Variants in LYPD6B observed in about 807,000 individuals in gnomAD.
LYPD6B encodes LY6/PLAUR domain containing 6B.
A neutral mutation model predicts 22.8 loss-of-function variants in LYPD6B; 17 were observed. The ratio of observed to expected loss-of-function variants is 0.75; its 90% CI spans 0.51 to 1.12. The LOEUF (loss-of-function observed/expected upper bound fraction) is 1.12. Ranked by LOEUF, LYPD6B falls within the 50% of genes most tolerant of loss-of-function variation. The probability of loss-of-function intolerance (pLI) is 0.00; values close to 1 mark genes in which losing one functional copy is unlikely to be tolerated. For synonymous variants in LYPD6B, 106 were observed against 91.6 expected (o/e 1.16, Z -0.90); for missense variants, 221 against 258.3 (o/e 0.86, Z 0.99).
chr2:149,072,482 T>TTTTTATTTTATTTTA (rs59980462), intron 1 of LYPD6B, among the ~76,000 whole-genome samples: 15,985 of 129,594 alleles, frequency 0.12, 1,295 homozygotes, highest in South Asian at 0.15. Context: ...AGGGTGGTTA[T>TTTTTATTTTATTTTA]TTTTATTTTA....
chr2:149,177,835 GTTTTTT>G (rs35470511), intron 3 of LYPD6B, among the ~76,000 whole-genome samples: 4 of 131,860 alleles, frequency 3.0e-5, no homozygotes, highest in Admixed American at 7.7e-5. Flanking sequence ...TTCTGCAAGA[GTTTTTT>G]TTTTTTTTTT....
chr2:149,081,899 C>T (rs773936936), intron 1 of LYPD6B, among the ~76,000 whole-genome samples: 5 of 152,056 alleles, frequency 3.3e-5, no homozygotes, highest in African/African-American at 4.8e-5. Flanking sequence ...ATGTTGTTGC[C>T]TATAGTGAGA....
At chr2:149,106,572 A>G (rs1024373901) in intron 1 of LYPD6B, among the ~76,000 whole-genome samples, 3 of 152,140 alleles carry the variant, frequency 2.0e-5, no homozygotes, top group Admixed American at 6.6e-5. Flanking sequence ...AAAGTTGTTT[A>G]TAATATTCCC....
At chr2:149,067,167 T>G (rs2105342435) in intron 1 of LYPD6B, among the ~76,000 whole-genome samples, 1 of 152,294 alleles carries the variant, frequency 6.6e-6, no homozygotes, top group African/African-American at 2.4e-5. Context: ...TGCCTACTAT[T>G]CCTATCACCT....
intron 1 of LYPD6B, among the ~76,000 whole-genome samples, chr2:149,124,905 A>G (rs777823332): frequency 2.6e-5 from 4 of 152,184 alleles, no homozygotes; most frequent in African/African-American, 7.2e-5. Flanking sequence ...AATGGCCACA[A>G]GAAGCTTCTG....
At chr2:149,126,527 G>A (rs536833541) in intron 1 of LYPD6B, among the ~76,000 whole-genome samples, 28 of 152,260 alleles carry the variant, frequency 1.8e-4, no homozygotes, top group Admixed American at 9.8e-4. Context: ...TGAAAAGTAC[G>A]GATAAAGGTC....
At chr2:149,071,925 A>T (rs1684622173) in intron 1 of LYPD6B, among the ~76,000 whole-genome samples, 1 of 152,110 alleles carries the variant, frequency 6.6e-6, no homozygotes, top group African/African-American at 2.4e-5. Flanking sequence ...CTCTCTTGAA[A>T]GTTGTTTTAC....
At chr2:149,137,927 T>G (rs184437378) in intron 2 of LYPD6B, among the ~76,000 whole-genome samples, 7 of 152,318 alleles carry the variant, frequency 4.6e-5, no homozygotes, top group African/African-American at 1.7e-4. Flanking sequence ...CCATATAAAA[T>G]TATCTGTTTC....
chr2:149,198,039 T>C (rs888869461), intron 3 of LYPD6B, among the ~76,000 whole-genome samples: 2 of 151,912 alleles, frequency 1.3e-5, no homozygotes, highest in African/African-American at 4.8e-5. Flanking sequence ...TTTTCTTTTT[T>C]TTTTTTTCTT....
intron 1 of LYPD6B, among the ~76,000 whole-genome samples, chr2:149,110,912 A>G (rs983242781): frequency 1.3e-5 from 2 of 152,188 alleles, no homozygotes; most frequent in East Asian, 1.9e-4. Flanking sequence ...GCAGTACTCT[A>G]TATGTGTCTG....
intron 3 of LYPD6B, among the ~76,000 whole-genome samples, chr2:149,162,202 A>C (rs1258195384): frequency 6.6e-6 from 1 of 152,192 alleles, no homozygotes; most frequent in Non-Finnish European, 1.5e-5. Flanking sequence ...ATTATTAACC[A>C]TCTCTATCAC....
intron 1 of LYPD6B, among the ~76,000 whole-genome samples, chr2:149,128,862 C>T (rs1309987044): frequency 6.6e-6 from 1 of 152,166 alleles, no homozygotes; most frequent in Non-Finnish European, 1.5e-5. Flanking sequence ...TGAGAGACTG[C>T]TCTATTTTTT....
Position 149,177,480 on chromosome 2 carries a change from G to A in LYPD6B, c.77+16645G>A, listed in dbSNP as rs540087787. Among the ~76,000 whole-genome samples the A allele has an allele frequency of 2.2e-4, 34 of 152,252 alleles. No homozygotes were observed. The Middle Eastern group carries it at 0.014, about 61-fold the overall frequency. On this transcript the variant is annotated intron_variant, in intron 3 of 6. Coordinates refer to ENST00000409642, the MANE Select transcript of LYPD6B (RefSeq NM_177964.5). ...TTATTCCCCTTCACTTTGTTTCTTT[G>A]GCAGCCAGTAGCATTGCTCTTTGTA...
chr2:149,208,044 A>G (rs2106158398), intron 4 of LYPD6B, among the ~76,000 whole-genome samples: 1 of 152,286 alleles, frequency 6.6e-6, no homozygotes, highest in East Asian at 1.9e-4. Context: ...TGATAATAGA[A>G]CAATACTATG....
Position 149,130,945 on chromosome 2 carries a change from A to G in LYPD6B, c.-4A>G. On this transcript the variant is annotated 5_prime_UTR_variant, in exon 2 of 7. An upstream start codon of the reference 5' UTR is lost. Coordinates refer to ENST00000409642, the MANE Select transcript of LYPD6B (RefSeq NM_177964.5). ...GGACTAGGCTGCTCTTGTTAATCAC[A>G]TGGATGTTGTGAGTATTATATTCAC... The G allele has an allele frequency of 6.2e-7, 1 of 1,603,174 alleles. No individual in the cohort carries two copies.
chr2:149,108,227 A>G (rs149940006), intron 1 of LYPD6B, among the ~76,000 whole-genome samples: 3,235 of 152,232 alleles, frequency 0.021, 79 homozygotes, highest in African/African-American at 0.052. Flanking sequence ...CTTGCCTTCC[A>G]CCATGATTGT....
In LYPD6B at chr2:149,213,068, C is replaced by A; in HGVS notation, c.405C>A (p.Ser135=). ...CATCCATCACCAAAAAGTGTGCCTCCAGAAGTGAATGTCATTTTGTCGGTT... is the reference window on the plus strand; with the variant it reads ...CATCCATCACCAAAAAGTGTGCCTCAAGAAGTGAATGTCATTTTGTCGGTT... The part of the protein sequence containing the change: ...RSTSITKKCA[S]RSECHFVGCH... Residue 135 remains serine (S), a synonymous_variant, in exon 6 of 7, where the codon TCC becomes TCA. Transcript: ENST00000409642. 1 of 1,613,932 alleles carries A rather than the reference C, an allele frequency of 6.2e-7. No homozygotes were observed. The highest frequency in any genetic ancestry group is 8.5e-7 in the Non-Finnish European group (1 of 1,179,864).
intron 2 of LYPD6B, among the ~76,000 whole-genome samples, chr2:149,150,851 A>T (rs2105825519): frequency 6.6e-6 from 1 of 151,932 alleles, no homozygotes; most frequent in South Asian, 2.1e-4. Flanking sequence ...TCCCTTCACA[A>T]ATATTTCTAC....
At chr2:149,137,019 A>G (rs1400154390) in intron 2 of LYPD6B, among the ~76,000 whole-genome samples, 2 of 152,248 alleles carry the variant, frequency 1.3e-5, no homozygotes, top group Non-Finnish European at 2.9e-5. Context: ...GTTGGATAAT[A>G]AATTAGTAGA....
Sources: gnomAD v4.1 joint callset for allele counts (sites outside exome capture counted in the v4.1 genomes callset) on GRCh38, gnomAD v4.1.1 for gene constraint, MANE v1.5 for transcripts, NCBI Gene and HGNC (gene_info 2026-07-23, HGNC 2026-07-21) for gene names.